GRID2: variants seen among roughly 807,000 people sequenced by gnomAD.
The protein encoded by GRID2 is glutamate receptor ionotropic, delta-2.
In GRID2, 33 loss-of-function variants were observed where a neutral mutation model predicts 114.8. The observed-to-expected ratio is 0.29, with a 90% CI of 0.22 to 0.38. The LOEUF (loss-of-function observed/expected upper bound fraction) is 0.38, where lower values mean the gene tolerates loss of function less well. GRID2 is among the 10% of genes least tolerant of loss of function. The pLI, the probability that GRID2 is intolerant of heterozygous loss-of-function variation, is 1.00. For synonymous variants in GRID2, 505 were observed against 449.9 expected (o/e 1.12, Z -1.55); for missense variants, 1,184 against 1,257.7 (o/e 0.94, Z 0.89).
rs981163490 is a variant in GRID2, at chr4:92,744,006, CT to C, written c.244+153723del. ...AAATTGTCCTTCACTTATTTTTTTT[CT>C]TTGTTTTCCTTATCTCATGCTTGTT... On this transcript the variant is annotated intron_variant, in intron 2 of 15. Coordinates refer to ENST00000282020, the MANE Select transcript of GRID2 (RefSeq NM_001510.4). Among the ~76,000 whole-genome samples, 38 of 151,714 alleles carry C rather than the reference CT, an allele frequency of 2.5e-4. 1 individual carries two copies. Among genetic ancestry groups the C allele is most frequent in the African/African-American group, 9.2e-4 (38 of 41,316 alleles).
At chr4:92,825,487 T>C (rs1462653403) in intron 2 of GRID2, among the ~76,000 whole-genome samples, 1 of 152,160 alleles carries the variant, frequency 6.6e-6, no homozygotes, top group East Asian at 1.9e-4. Context: ...CATGGCCAAA[T>C]GCCATAAACA....
In GRID2 at chr4:93,495,278, A is replaced by G. The variant is rs962458616; in HGVS notation, c.1997+4501A>G. ...GAAAGAGATCCATAAATATTCTATT[A>G]CTAAAGAAGAACCCCTTTTCCCTAG... On this transcript the variant is annotated intron_variant, in intron 12 of 15. Transcript: ENST00000282020. Among the ~76,000 whole-genome samples the G allele has an allele frequency of 2.0e-5, 3 of 151,810 alleles. No homozygotes were observed. The East Asian group carries it at 5.8e-4, about 29-fold the overall frequency.
chr4:93,618,701 G>A (rs769394772), intron 13 of GRID2, among the ~76,000 whole-genome samples: 11 of 152,212 alleles, frequency 7.2e-5, no homozygotes, highest in Non-Finnish European at 1.5e-4. Flanking sequence ...TGTGAACCAA[G>A]CTTTCCTCAA....
At chr4:92,912,141 A>G (rs1175164112) in intron 2 of GRID2, among the ~76,000 whole-genome samples, 1 of 151,890 alleles carries the variant, frequency 6.6e-6, no homozygotes, top group Non-Finnish European at 1.5e-5. Context: ...TATTTAATCT[A>G]TACAGGATAT....
At chr4:92,914,834 G>C (rs1300213395) in intron 2 of GRID2, among the ~76,000 whole-genome samples, 1 of 152,064 alleles carries the variant, frequency 6.6e-6, no homozygotes, top group Non-Finnish European at 1.5e-5. Flanking sequence ...ATGGGTGTTT[G>C]TGTTGATTCT....
intron 14 of GRID2, among the ~76,000 whole-genome samples, chr4:93,659,150 T>C (rs1307425976): frequency 6.6e-6 from 1 of 151,552 alleles, no homozygotes; most frequent in Non-Finnish European, 1.5e-5. Flanking sequence ...TTTTGAAAGG[T>C]CTTAGAATCA....
At chr4:92,462,157 T>C (rs906086249) in intron 1 of GRID2, among the ~76,000 whole-genome samples, 4 of 152,070 alleles carry the variant, frequency 2.6e-5, no homozygotes, top group African/African-American at 7.2e-5. Context: ...TTTGTTTCTT[T>C]CTAGAAAGAT....
chr4:93,627,920 C>A (rs191501386), intron 14 of GRID2, among the ~76,000 whole-genome samples: 241 of 152,220 alleles, frequency 1.6e-3, no homozygotes, highest in Non-Finnish European at 2.2e-3. Context: ...ACACGTGTAA[C>A]CTCAGCACTT....
At chr4:92,789,064 T>A (rs151067445) in intron 2 of GRID2, among the ~76,000 whole-genome samples, 14 of 152,042 alleles carry the variant, frequency 9.2e-5, no homozygotes, top group African/African-American at 3.4e-4. Flanking sequence ...TTGTCAGATA[T>A]ACAATTCTGG....
intron 8 of GRID2, among the ~76,000 whole-genome samples, chr4:93,264,929 C>T (rs1483168498): frequency 3.3e-5 from 5 of 151,368 alleles, no homozygotes; most frequent in Non-Finnish European, 1.5e-5. Context: ...ACTACAGGTG[C>T]CCGCCACCAT....
At chr4:92,949,172 G>C (rs1016005974) in intron 2 of GRID2, among the ~76,000 whole-genome samples, 1 of 151,650 alleles carries the variant, frequency 6.6e-6, no homozygotes, top group African/African-American at 2.4e-5. Context: ...GTGTGAGAGA[G>C]AGAGAGAAGG....
chr4:92,526,501 C>G (rs1311729464), intron 1 of GRID2, among the ~76,000 whole-genome samples: 1 of 151,928 alleles, frequency 6.6e-6, no homozygotes, highest in Non-Finnish European at 1.5e-5. Flanking sequence ...CCACAACATG[C>G]CAGGCTAATT....
intron 2 of GRID2, among the ~76,000 whole-genome samples, chr4:92,847,629 C>T (rs1186997321): frequency 6.7e-6 from 1 of 148,954 alleles, no homozygotes; most frequent in African/African-American, 2.6e-5. Context: ...TTTATTCTTA[C>T]ATACACAGCT....
At chr4:93,052,983 A>G (rs13108488) in intron 2 of GRID2, among the ~76,000 whole-genome samples, 57,475 of 151,648 alleles carry the variant, frequency 0.38, 11,352 homozygotes, top group Admixed American at 0.5. Flanking sequence ...TACTGTTTCC[A>G]CTGTCCTAGC....
intron 8 of GRID2, among the ~76,000 whole-genome samples, chr4:93,309,158 T>C (rs1176327415): frequency 2.0e-5 from 3 of 152,192 alleles, no homozygotes; most frequent in Non-Finnish European, 2.9e-5. Context: ...AAGGCAAATA[T>C]GTATTCCTTT....
intron 14 of GRID2, among the ~76,000 whole-genome samples, chr4:93,681,728 T>C (rs1360807180): frequency 2.0e-5 from 3 of 152,240 alleles, no homozygotes; most frequent in African/African-American, 4.8e-5. Context: ...GCTAGCCATA[T>C]GTAGAAAGCT....
intron 4 of GRID2, among the ~76,000 whole-genome samples, chr4:93,147,089 A>AT (rs1413093144): frequency 5.9e-5 from 9 of 152,156 alleles, no homozygotes; most frequent in Admixed American, 5.9e-4. Flanking sequence ...AATTTGATGA[A>AT]TTTTTTAACG....
chr4:93,216,751 T>C lies in GRID2; in HGVS notation c.803T>C (p.Val268Ala). 1 of 1,608,342 alleles carries C rather than the reference T, an allele frequency of 6.2e-7. No homozygotes were observed. Among genetic ancestry groups the C allele is most frequent in the Non-Finnish European group, 8.5e-7 (1 of 1,175,060 alleles). The stretch of plus-strand genomic sequence containing the variant: ...CTTATCTTATAGGAAATAAACGATG[T>C]GGACGTACAGGAACTTGTAAGAAGG... ...WIIINEEIND[V>A]DVQELVRRSI... Residue 268 changes from valine to alanine, a missense_variant, in exon 6 of 16, where the codon GTG becomes GCG. Val to Ala is a moderately conservative substitution (Grantham distance 64). Coordinates refer to ENST00000282020, the MANE Select transcript of GRID2 (RefSeq NM_001510.4).
chr4:92,701,208 T>G (rs1734661312), intron 2 of GRID2, among the ~76,000 whole-genome samples: 1 of 152,280 alleles, frequency 6.6e-6, no homozygotes, highest in East Asian at 1.9e-4. Context: ...TAATTCGTAG[T>G]ACTTTTTAGC....
Sources: gnomAD v4.1 joint callset for allele counts (sites outside exome capture counted in the v4.1 genomes callset) on GRCh38, gnomAD v4.1.1 for gene constraint, MANE v1.5 for transcripts, NCBI Gene and HGNC (gene_info 2026-07-23, HGNC 2026-07-21) for gene names.